NLGN4X: variants seen among roughly 807,000 people sequenced by gnomAD.
NLGN4X encodes the protein neuroligin 4 X-linked.
Under a neutral mutation model 40.3 loss-of-function variants are expected in NLGN4X, and 3 were observed. That is an observed-to-expected ratio of 0.07 (90% CI 0.03 to 0.19). The LOEUF is 0.19. Ranked by LOEUF, NLGN4X falls within the 10% of genes least tolerant of loss-of-function variation. The pLI is 1.00. For synonymous variants in NLGN4X, 270 were observed against 306.8 expected, an observed-to-expected ratio of 0.88 and a Z score of 1.25; for missense variants, 382 against 708.3, an observed-to-expected ratio of 0.54 and a Z score of 5.23.
intron 1 of NLGN4X, among the ~76,000 whole-genome samples, chrX:6,201,029 G>T (rs1923574536): frequency 9.0e-6 from 1 of 110,531 alleles, no homozygotes; most frequent in Non-Finnish European, 1.9e-5. Context: ...AACATCCCTC[G>T]AGGTAGGTAC....
At chrX:6,225,670 T>A (rs1926153601) in intron 1 of NLGN4X, among the ~76,000 whole-genome samples, 1 of 97,565 alleles carries the variant, frequency 1.0e-5, no homozygotes, top group Non-Finnish European at 2.1e-5. Flanking sequence ...TTCTTTTCCT[T>A]TTTTTTCTTT....
At chrX:6,025,121 A>T (rs2036655617) in intron 3 of NLGN4X, among the ~76,000 whole-genome samples, 1 of 111,400 alleles carries the variant, frequency 9.0e-6, no homozygotes, top group Admixed American at 9.6e-5. Context: ...CTTTAAAAAC[A>T]AACTGAACAC....
intron 1 of NLGN4X, among the ~76,000 whole-genome samples, chrX:6,177,309 C>T (rs750625161): frequency 1.6e-4 from 18 of 111,222 alleles, no homozygotes; most frequent in African/African-American, 5.6e-4. Flanking sequence ...CAGGCGTGCA[C>T]CACCATGCCT....
intron 1 of NLGN4X, among the ~76,000 whole-genome samples, chrX:6,194,351 T>C (rs1271710879): frequency 8.9e-6 from 1 of 111,890 alleles, no homozygotes; most frequent in Non-Finnish European, 1.9e-5. Flanking sequence ...TCACCCGGAA[T>C]GCTCTCTTTA....
chrX:6,176,915 CA>C (rs1349218573), intron 1 of NLGN4X, among the ~76,000 whole-genome samples: 2 of 111,385 alleles, frequency 1.8e-5, no homozygotes, highest in Non-Finnish European at 3.8e-5. Flanking sequence ...TGGTTGAGAC[CA>C]ATGAGTTAAT....
chrX:5,919,902 A>G (rs926938537), intron 3 of NLGN4X, among the ~76,000 whole-genome samples: 2 of 111,923 alleles, frequency 1.8e-5, no homozygotes, highest in African/African-American at 6.5e-5. Flanking sequence ...ATTCTCTGCT[A>G]TATTAGTTGT....
intron 2 of NLGN4X, among the ~76,000 whole-genome samples, chrX:6,120,179 G>A (rs765932913): frequency 9.0e-6 from 1 of 110,774 alleles, no homozygotes; most frequent in South Asian, 3.9e-4. Flanking sequence ...GCAAGCCCCT[G>A]CCGCAACACA....
chrX:6,072,975 C>T (rs1298520222), intron 2 of NLGN4X, among the ~76,000 whole-genome samples: 3 of 112,473 alleles, frequency 2.7e-5, no homozygotes, highest in Non-Finnish European at 5.6e-5. Flanking sequence ...TATCATAAAA[C>T]ATATTCTGCA....
At chrX:6,225,681 C>CT (rs1569309354) in intron 1 of NLGN4X, among the ~76,000 whole-genome samples, 36 of 33,736 alleles carry the variant, frequency 1.1e-3, no homozygotes, top group Admixed American at 1.3e-3. Flanking sequence ...TTTTTTCTTT[C>CT]TTTTTTTCTT....
At chrX:6,095,046 G>A (rs1374716683) in intron 2 of NLGN4X, among the ~76,000 whole-genome samples, 1 of 108,846 alleles carries the variant, frequency 9.2e-6, no homozygotes, top group Non-Finnish European at 1.9e-5. Flanking sequence ...CCATGTGTAC[G>A]AGCCTTAGTT....
intron 3 of NLGN4X, among the ~76,000 whole-genome samples, chrX:5,918,002 C>T (rs2032877832): frequency 8.9e-6 from 1 of 111,945 alleles, no homozygotes; most frequent in African/African-American, 3.2e-5. Context: ...AGGCAAAAAA[C>T]ACATCATAGC....
At chrX:5,905,342 C>T (rs999976038) in intron 4 of NLGN4X, among the ~76,000 whole-genome samples, 2 of 111,547 alleles carry the variant, frequency 1.8e-5, no homozygotes, top group Non-Finnish European at 3.8e-5. Context: ...CACAACTCAC[C>T]TTAGCGTAAT....
intron 1 of NLGN4X, among the ~76,000 whole-genome samples, chrX:6,215,916 G>A (rs185639392): frequency 1.2e-4 from 13 of 104,837 alleles, no homozygotes; most frequent in African/African-American, 3.5e-4. Flanking sequence ...TTGCTCTGTC[G>A]CCCAGGCTGG....
intron 3 of NLGN4X, among the ~76,000 whole-genome samples, chrX:5,925,647 A>G (rs868118551): frequency 7.5e-5 from 8 of 106,474 alleles, no homozygotes; most frequent in African/African-American, 2.7e-4. Flanking sequence ...AATGTTTCCT[A>G]ATCACATCTT....
At chrX:6,197,551 C>T (rs370462013) in intron 1 of NLGN4X, among the ~76,000 whole-genome samples, 32 of 109,140 alleles carry the variant, frequency 2.9e-4, no homozygotes, top group African/African-American at 1.0e-3. Context: ...GGATTACAGG[C>T]ATGAGCCAAT....
intron 3 of NLGN4X, among the ~76,000 whole-genome samples, chrX:5,961,800 C>T (rs991534995): frequency 8.9e-6 from 1 of 112,009 alleles, no homozygotes; most frequent in Non-Finnish European, 1.9e-5. Flanking sequence ...TACATTTTTG[C>T]GAACCCCTGA....
chrX:6,014,290 T>C (rs1484592787), intron 3 of NLGN4X, among the ~76,000 whole-genome samples: 2 of 111,532 alleles, frequency 1.8e-5, no homozygotes, highest in Admixed American at 1.9e-4. Context: ...TTTTTTAAAA[T>C]GGAAGGTTAG....
intron 1 of NLGN4X, among the ~76,000 whole-genome samples, chrX:6,184,264 C>A (rs1460595960): frequency 1.8e-5 from 2 of 111,916 alleles, no homozygotes; most frequent in African/African-American, 6.5e-5. Flanking sequence ...GTGTGCTGTT[C>A]TTTTCATTTA....
intron 1 of NLGN4X, among the ~76,000 whole-genome samples, chrX:6,200,687 C>CTTTTTTTTTTTTTTTTTT (rs767226691): frequency 1.4e-4 from 8 of 55,563 alleles, no homozygotes; most frequent in Admixed American, 2.4e-4. Context: ...CTTTCCTTTT[C>CTTTTTTTTTTTTTTTTTT]TTTTTTTTTT....
Sources: allele counts gnomAD v4.1 joint callset (sites outside exome capture counted in the v4.1 genomes callset), GRCh38; gene constraint gnomAD v4.1.1; transcripts MANE v1.5; gene names NCBI Gene and HGNC (gene_info 2026-07-23, HGNC 2026-07-21).